The following CSMD1 variants were observed in gnomAD, a reference collection of about 807,000 sequenced individuals.
CSMD1 encodes the protein CUB and sushi domain-containing protein 1.
CSMD1 carries 213 observed loss-of-function variants against 417.5 expected under a neutral mutation model. The ratio of observed to expected loss-of-function variants is 0.51; its 90% CI spans 0.46 to 0.57. The LOEUF (loss-of-function observed/expected upper bound fraction) is 0.57. Among genes scored for constraint, CSMD1 ranks in the 20% least tolerant of loss-of-function variants. The pLI is 0.00. For missense variants in CSMD1, 6,923 were observed against 4,529.7 expected, an observed-to-expected ratio of 1.53 and a Z score of -15.17; for synonymous variants, 2,862 against 1,736.8, an observed-to-expected ratio of 1.65 and a Z score of -16.11.
At chr8:3,918,779 G>GA (rs1294256156) in intron 5 of CSMD1, among the ~76,000 whole-genome samples, 1 of 152,086 alleles carries the variant, frequency 6.6e-6, no homozygotes. Context: ...CTCAGCAATG[G>GA]AAAACCAAAC....
chr8:3,977,350 G>C (rs893949511), intron 5 of CSMD1, among the ~76,000 whole-genome samples: 1 of 152,124 alleles, frequency 6.6e-6, no homozygotes, highest in African/African-American at 2.4e-5. Flanking sequence ...GCAAAGCAAT[G>C]TCAAGTAGAA....
At chr8:4,000,128 G>T (rs554511195) in intron 4 of CSMD1, among the ~76,000 whole-genome samples, 1 of 152,144 alleles carries the variant, frequency 6.6e-6, no homozygotes, top group African/African-American at 2.4e-5. Context: ...GCACCACTGT[G>T]CAAGCACACA....
At chr8:3,733,852 C>G (rs562958618) in intron 6 of CSMD1, among the ~76,000 whole-genome samples, 12 of 152,032 alleles carry the variant, frequency 7.9e-5, no homozygotes, top group African/African-American at 2.9e-4. Context: ...TCATATGTGC[C>G]CCGTTTATAA....
chr8:4,256,746 G>C (rs934601229), intron 3 of CSMD1, among the ~76,000 whole-genome samples: 26 of 152,208 alleles, frequency 1.7e-4, no homozygotes, highest in African/African-American at 6.3e-4. Context: ...CGGGCAGTGA[G>C]GTACAGGGCA....
chr8:4,641,368 T>G (rs190621685), intron 1 of CSMD1, among the ~76,000 whole-genome samples: 1 of 152,240 alleles, frequency 6.6e-6, no homozygotes, highest in East Asian at 1.9e-4. Context: ...GAGTTAGTTT[T>G]TTTGCAGATT....
chr8:3,928,655 G>C (rs923030732), intron 5 of CSMD1, among the ~76,000 whole-genome samples: 1 of 146,362 alleles, frequency 6.8e-6, no homozygotes, highest in Admixed American at 6.6e-5. Context: ...CAATAAAAAT[G>C]GTTTAAAGAA....
rs80327298 is a variant in CSMD1, at chr8:4,312,392, T to C, written c.415+107561A>G. Among the ~76,000 whole-genome samples, 203 of 115,550 alleles carry C rather than the reference T, an allele frequency of 1.8e-3. 2 individuals are homozygous for C. Among genetic ancestry groups the C allele is most frequent in the African/African-American group, 6.6e-3 (112 of 16,992 alleles). The allele number at this position is 115,550 out of a possible 152,430, so 75.8% of individuals were successfully genotyped here. A position where few individuals can be genotyped will look rare whatever the true frequency, so the allele number is the denominator to read the frequency against. ...AATGGAACAAATATATATATATATA[T>C]ACATACATATATATGCGTGTATATA... On this transcript the variant is annotated intron_variant, in intron 3 of 69. Transcript: ENST00000635120.
intron 42 of CSMD1, among the ~76,000 whole-genome samples, chr8:3,111,122 C>A (rs1397537466): frequency 6.6e-6 from 1 of 152,106 alleles, no homozygotes; most frequent in Non-Finnish European, 1.5e-5. Flanking sequence ...GATGAGTGTT[C>A]ACAACTCTCT....
At chr8:3,289,520 A>G (rs1803394071) in intron 25 of CSMD1, among the ~76,000 whole-genome samples, 1 of 143,188 alleles carries the variant, frequency 7.0e-6, no homozygotes, top group Admixed American at 6.9e-5. Flanking sequence ...TCGCCATTCT[A>G]ACTGGTGTGA....
chr8:3,893,632 T>G (rs1054670906), intron 5 of CSMD1, among the ~76,000 whole-genome samples: 1 of 152,002 alleles, frequency 6.6e-6, no homozygotes, highest in East Asian at 1.9e-4. Flanking sequence ...GTGCATGGTG[T>G]CTTGCTCTCA....
chr8:4,337,131 G>C (rs548370583), intron 3 of CSMD1, among the ~76,000 whole-genome samples: 1 of 152,210 alleles, frequency 6.6e-6, no homozygotes, highest in South Asian at 2.1e-4. Flanking sequence ...ATTTAAGTGG[G>C]ATCTTCTGCC....
At chr8:4,264,216 T>G (rs547469324) in intron 3 of CSMD1, among the ~76,000 whole-genome samples, 12 of 152,066 alleles carry the variant, frequency 7.9e-5, no homozygotes, top group African/African-American at 2.7e-4. Context: ...TGACTACAAT[T>G]AATTATTAGA....
At chr8:3,028,153 T>G (rs1299610799) in intron 51 of CSMD1, among the ~76,000 whole-genome samples, 1 of 152,204 alleles carries the variant, frequency 6.6e-6, no homozygotes, top group African/African-American at 2.4e-5. Context: ...AATAAGTGTC[T>G]GTTTTTAAGA....
At position 3,018,543 on chromosome 8, in the gene CSMD1, C is replaced by G. The variant is rs762638798; in HGVS notation, c.7963G>C (p.Val2655Leu). 7 of 1,613,776 alleles carry G rather than the reference C, an allele frequency of 4.3e-6. No individual in the cohort carries two copies. Among genetic ancestry groups the G allele is most frequent in the African/African-American group, 1.3e-5 (1 of 74,888 alleles). ...AAGCACTCTCTGACATGAGACCCCACAAGCGTGTAGCCGGTGTTGCACGTA... is the reference window on the plus strand; with the variant it reads ...AAGCACTCTCTGACATGAGACCCCAGAAGCGTGTAGCCGGTGTTGCACGTA... ...IFTCNTGYTL[V>L]GSHVRECLAN... Residue 2655 changes from valine to leucine, a missense_variant, in exon 52 of 70, where the codon GTG becomes CTG. Coordinates refer to ENST00000635120, the MANE Select transcript of CSMD1 (RefSeq NM_033225.6).
chr8:3,306,314 C>G (rs1351822580), intron 25 of CSMD1, among the ~76,000 whole-genome samples: 1 of 152,196 alleles, frequency 6.6e-6, no homozygotes, highest in Non-Finnish European at 1.5e-5. Flanking sequence ...GCTGGGATTA[C>G]AGGTGTGTGC....
chr8:4,955,368 A>G (rs1267020607), intron 1 of CSMD1, among the ~76,000 whole-genome samples: 1 of 152,040 alleles, frequency 6.6e-6, no homozygotes, highest in Non-Finnish European at 1.5e-5. Context: ...ACTTTTTATT[A>G]TGATTGGTGT....
chr8:3,387,062 G>C (rs1811047370), intron 18 of CSMD1, among the ~76,000 whole-genome samples: 1 of 152,190 alleles, frequency 6.6e-6, no homozygotes, highest in African/African-American at 2.4e-5. Flanking sequence ...GAACTCCCAG[G>C]AGAAGGCTCT....
intron 3 of CSMD1, among the ~76,000 whole-genome samples, chr8:4,353,511 C>T (rs945727824): frequency 6.6e-6 from 1 of 151,946 alleles, no homozygotes; most frequent in African/African-American, 2.4e-5. Flanking sequence ...GAATCCACTG[C>T]ATATGATCTC....
intron 5 of CSMD1, among the ~76,000 whole-genome samples, chr8:3,800,628 G>C (rs1227694997): frequency 6.6e-6 from 1 of 152,150 alleles, no homozygotes; most frequent in African/African-American, 2.4e-5. Flanking sequence ...CCTAGAAGAG[G>C]TATTTGGGTT....
Sources: allele counts gnomAD v4.1 joint callset (sites outside exome capture counted in the v4.1 genomes callset), GRCh38; gene constraint gnomAD v4.1.1; transcripts MANE v1.5; gene names NCBI Gene and HGNC (gene_info 2026-07-23, HGNC 2026-07-21).